The following SLC8A1 variants were observed in gnomAD, a reference collection of about 807,000 sequenced individuals.
The protein encoded by SLC8A1 is sodium/calcium exchanger 1.
Under a neutral mutation model 68.3 loss-of-function variants are expected in SLC8A1, and 18 were observed. The observed-to-expected ratio is 0.26, with a 90% CI of 0.18 to 0.39. The LOEUF is 0.39. Among genes scored for constraint, SLC8A1 ranks in the 10% least tolerant of loss-of-function variants. The pLI, the probability that SLC8A1 is intolerant of heterozygous loss-of-function variation, is 1.00. For missense variants in SLC8A1, 985 were observed against 1,156.7 expected (o/e 0.85, Z 2.15); for synonymous variants, 475 against 415.5 (o/e 1.14, Z -1.74).
At chr2:40,272,509 G>T (rs2066172641) in intron 2 of SLC8A1, among the ~76,000 whole-genome samples, 1 of 152,110 alleles carries the variant, frequency 6.6e-6, no homozygotes, top group South Asian at 2.1e-4. Flanking sequence ...AAATATTTCA[G>T]TAATCTAGGA....
chr2:40,269,012 A>G (rs1004511256), intron 2 of SLC8A1, among the ~76,000 whole-genome samples: 4 of 152,184 alleles, frequency 2.6e-5, no homozygotes, highest in African/African-American at 7.2e-5. Context: ...ATGATGTCCA[A>G]GGGTTTTACA....
chr2:40,418,552 C>G (rs903937976), intron 2 of SLC8A1, among the ~76,000 whole-genome samples: 2 of 152,160 alleles, frequency 1.3e-5, no homozygotes, highest in African/African-American at 4.8e-5. Flanking sequence ...AGATTCCTGG[C>G]TAAGTACTTT....
intron 2 of SLC8A1, among the ~76,000 whole-genome samples, chr2:40,336,701 CCT>C (rs1401473538): frequency 3.9e-5 from 6 of 152,062 alleles, no homozygotes; most frequent in African/African-American, 1.4e-4. Context: ...CAGGCATGAA[CCT>C]CTGTGTACTG....
intron 1 of SLC8A1, among the ~76,000 whole-genome samples, chr2:40,505,389 T>C (rs1222458228): frequency 6.6e-6 from 1 of 151,892 alleles, no homozygotes; most frequent in East Asian, 1.9e-4. Context: ...AGGCGATGGA[T>C]ATCCCATTCC....
intron 2 of SLC8A1, among the ~76,000 whole-genome samples, chr2:40,253,116 T>A (rs2063202954): frequency 9.1e-6 from 1 of 109,880 alleles, no homozygotes; most frequent in African/African-American, 4.0e-5. Flanking sequence ...TATACGTGTA[T>A]ACATATATAC....
At chr2:40,405,030 G>T (rs1164742997) in intron 2 of SLC8A1, among the ~76,000 whole-genome samples, 1 of 152,120 alleles carries the variant, frequency 6.6e-6, no homozygotes, top group Non-Finnish European at 1.5e-5. Context: ...CCACTGAGCA[G>T]GTCCATGCTA....
chr2:40,253,831 C>CAAAAAA (rs61434245), intron 2 of SLC8A1, among the ~76,000 whole-genome samples: 8 of 59,818 alleles, frequency 1.3e-4, no homozygotes, highest in Admixed American at 4.7e-4. Context: ...TGTCTGTCTC[C>CAAAAAA]AAAAAAAAAA....
At chr2:40,445,254 T>C (rs1042716258) in intron 1 of SLC8A1, among the ~76,000 whole-genome samples, 4 of 152,322 alleles carry the variant, frequency 2.6e-5, no homozygotes, top group South Asian at 2.1e-4. Flanking sequence ...GTTATAACTA[T>C]CATGAATATG....
rs188503438 is a variant in SLC8A1, at chr2:40,229,809, A to C, written c.1809-51954T>G. On this transcript the variant is annotated intron_variant, in intron 2 of 7. Transcript: ENST00000406785. ...GTATTGTGTGCTTGGTTCTTTAAAA[A>C]ACAGTTATGCACATGTAAAAAAAGT... Among the ~76,000 whole-genome samples the C allele has an allele frequency of 2.0e-5, 3 of 152,282 alleles. No individual in the cohort carries two copies. In the East Asian group the frequency reaches 5.8e-4, roughly 29 times the overall value.
intron 2 of SLC8A1, among the ~76,000 whole-genome samples, chr2:40,306,611 CAAAGG>C (rs1285608458): frequency 3.9e-5 from 6 of 152,204 alleles, no homozygotes; most frequent in African/African-American, 1.2e-4. Flanking sequence ...TCACAGTTGC[CAAAGG>C]AAAGTGTGAC....
intron 2 of SLC8A1, among the ~76,000 whole-genome samples, chr2:40,237,686 T>G (rs1447402107): frequency 8.6e-5 from 13 of 150,538 alleles, no homozygotes; most frequent in South Asian, 2.1e-4. Flanking sequence ...GCGCTCTGCT[T>G]TTTAGAGTTT....
intron 1 of SLC8A1, among the ~76,000 whole-genome samples, chr2:40,444,330 C>T (rs987992500): frequency 6.6e-6 from 1 of 152,084 alleles, no homozygotes; most frequent in African/African-American, 2.4e-5. Flanking sequence ...CAGAGTGAGA[C>T]CCTGTTTAAA....
intron 2 of SLC8A1, among the ~76,000 whole-genome samples, chr2:40,379,680 C>T (rs1381108173): frequency 1.3e-5 from 2 of 151,844 alleles, no homozygotes; most frequent in Non-Finnish European, 2.9e-5. Context: ...TGTCTGTTTA[C>T]CGCATCACCA....
chr2:40,269,458 A>C (rs568274084), intron 2 of SLC8A1, among the ~76,000 whole-genome samples: 16 of 152,336 alleles, frequency 1.1e-4, no homozygotes, highest in Non-Finnish European at 2.1e-4. Flanking sequence ...AGGTCAATGG[A>C]AAGGTAGCGA....
chr2:40,449,147 T>C (rs1701972438), intron 1 of SLC8A1, among the ~76,000 whole-genome samples: 1 of 144,972 alleles, frequency 6.9e-6, no homozygotes, highest in African/African-American at 2.6e-5. Context: ...AATTGCAACA[T>C]TAAAAAAAAA....
At chr2:40,236,847 C>G (rs1471208414) in intron 2 of SLC8A1, among the ~76,000 whole-genome samples, 22 of 150,590 alleles carry the variant, frequency 1.5e-4, no homozygotes, top group African/African-American at 4.9e-4. Context: ...TTTTATTTCT[C>G]CTTCGCTTAT....
At chr2:40,124,627 T>C (rs945908262) in intron 7 of SLC8A1, among the ~76,000 whole-genome samples, 1 of 152,032 alleles carries the variant, frequency 6.6e-6, no homozygotes, top group Non-Finnish European at 1.5e-5. Flanking sequence ...GCCTGAAAAG[T>C]CTACTAACTA....
At chr2:40,478,917 G>A (rs950566728) in intron 1 of SLC8A1, among the ~76,000 whole-genome samples, 2 of 151,934 alleles carry the variant, frequency 1.3e-5, no homozygotes, top group African/African-American at 4.8e-5. Context: ...GATTATAGGC[G>A]CCCGCCACCA....
chr2:40,253,489 T>TA (rs905503165), intron 2 of SLC8A1, among the ~76,000 whole-genome samples: 2 of 151,856 alleles, frequency 1.3e-5, no homozygotes, highest in Non-Finnish European at 2.9e-5. Flanking sequence ...ATGTGGGAGA[T>TA]AAAAAAGTGG....
Sources: allele counts gnomAD v4.1 joint callset (sites outside exome capture counted in the v4.1 genomes callset), GRCh38; gene constraint gnomAD v4.1.1; transcripts MANE v1.5; gene names NCBI Gene and HGNC (gene_info 2026-07-23, HGNC 2026-07-21).